The following NEK6 variants were observed in gnomAD, a reference collection of about 807,000 sequenced individuals.
NEK6 encodes serine/threonine-protein kinase Nek6.
NEK6 carries 27 observed loss-of-function variants against 43.5 expected under a neutral mutation model. The observed-to-expected ratio is 0.62, with a 90% confidence interval of 0.46 to 0.86. NEK6 has a LOEUF of 0.86. Among genes scored for constraint, NEK6 ranks in the 40% least tolerant of loss-of-function variants. The pLI is 0.00. For synonymous variants in NEK6, 167 were observed against 164.1 expected (o/e 1.02, Z -0.14); for missense variants, 318 against 414.4 (o/e 0.77, Z 2.02).
At chr9:124,320,891 G>A (rs1834031566) in intron 4 of NEK6, among the ~76,000 whole-genome samples, 1 of 152,168 alleles carries the variant, frequency 6.6e-6, no homozygotes, top group Non-Finnish European at 1.5e-5. Flanking sequence ...TAGAAGTTCA[G>A]TTTCAATCAG....
rs1234574688 is a variant in NEK6 at position 124,352,655 on chromosome 9, T to G, written c.*1708T>G. ...TCCATCGTTCTCCCCAGCCTGCCCC[T>G]GGCAGCTGTAACACAGGAGCTGGCC... On this transcript the variant is annotated 3_prime_UTR_variant, in exon 10 of 10. Coordinates refer to ENST00000320246, the MANE Select transcript of NEK6 (RefSeq NM_014397.6). The G allele has an allele frequency of 6.6e-6, 1 of 152,212 alleles. No individual in the cohort carries two copies. The highest frequency in any genetic ancestry group is 1.9e-4 in the East Asian group (1 of 5,198). The allele number at this position is 152,212 out of a possible 1,614,324, so 9.4% of individuals were successfully genotyped here. A position where few individuals can be genotyped will look rare whatever the true frequency, so the allele number is the denominator to read the frequency against.
At chr9:124,302,966 G>A (rs914468144) in intron 2 of NEK6, among the ~76,000 whole-genome samples, 7 of 152,244 alleles carry the variant, frequency 4.6e-5, no homozygotes, top group Non-Finnish European at 1.0e-4. Context: ...CACTTGGGAC[G>A]GGGCTGTGTG....
intron 7 of NEK6, among the ~76,000 whole-genome samples, chr9:124,336,919 G>A (rs1829324292): frequency 6.6e-6 from 1 of 151,238 alleles, no homozygotes; most frequent in Admixed American, 6.6e-5. Flanking sequence ...TGAGGCATGA[G>A]ATTCACTTCA....
chr9:124,345,304 G>T (rs1829861848), intron 8 of NEK6, among the ~76,000 whole-genome samples: 1 of 152,214 alleles, frequency 6.6e-6, no homozygotes, highest in Non-Finnish European at 1.5e-5. Context: ...GCGCAGCCCA[G>T]AGCTTTCTTC....
At chr9:124,300,207 G>C (rs552015941) in intron 1 of NEK6, 1 of 152,312 alleles carries the variant, frequency 6.6e-6, no homozygotes, top group African/African-American at 2.4e-5. Context: ...GGGTGTCACA[G>C]ATATCCCTGG....
At chr9:124,285,847 C>T (rs1299521526) in intron 1 of NEK6, among the ~76,000 whole-genome samples, 3 of 152,198 alleles carry the variant, frequency 2.0e-5, no homozygotes, top group East Asian at 1.9e-4. Flanking sequence ...CAGTTTTCCC[C>T]TTCTGTAAAA....
At chr9:124,280,699 G>A (rs747127308) in intron 1 of NEK6, among the ~76,000 whole-genome samples, 15 of 152,212 alleles carry the variant, frequency 9.9e-5, no homozygotes, top group Non-Finnish European at 1.9e-4. Context: ...GGCTAGGCAC[G>A]GGTTTATGAG....
At chr9:124,301,796 C>T (rs897103963) in intron 1 of NEK6, 140 bp from the exon 2 acceptor site, 11 of 699,336 alleles carry the variant, frequency 1.6e-5, no homozygotes, top group Admixed American at 6.8e-5. Context: ...CCTGCCACTT[C>T]GGAGCTGGGT....
chr9:124,299,602 G>T (rs1832854970), intron 1 of NEK6, among the ~76,000 whole-genome samples: 1 of 152,164 alleles, frequency 6.6e-6, no homozygotes, highest in Non-Finnish European at 1.5e-5. Context: ...GCATTTGAGG[G>T]CTTGGCAGGG....
chr9:124,286,765 G>A (rs1003194956), intron 1 of NEK6, among the ~76,000 whole-genome samples: 11 of 152,246 alleles, frequency 7.2e-5, no homozygotes, highest in African/African-American at 9.6e-5. Context: ...TCTGCTGGGC[G>A]CCCCAGCCAT....
At chr9:124,344,673 T>TTTTA (rs1249446108) in intron 8 of NEK6, among the ~76,000 whole-genome samples, 1 of 152,106 alleles carries the variant, frequency 6.6e-6, no homozygotes, top group Non-Finnish European at 1.5e-5. Flanking sequence ...CAGGACTGAT[T>TTTTA]TTTATCTATG....
chr9:124,332,535 C>G (rs932999827), intron 7 of NEK6, among the ~76,000 whole-genome samples: 4 of 152,216 alleles, frequency 2.6e-5, no homozygotes, highest in African/African-American at 9.6e-5. Context: ...AGGCACAGCC[C>G]CCCAGCCCAA....
rs1365246736 is a variant in NEK6, at chr9:124,327,543, T to C, written c.622+98T>C. ...TCCCCACGTGTGTTTGGTCAGTTAG[T>C]GCAGGAAGATGCCTTTTTTAAGCCC... On this transcript the variant is annotated intron_variant, in intron 7 of 9. Coordinates refer to ENST00000320246, the MANE Select transcript of NEK6 (RefSeq NM_014397.6). The C allele has an allele frequency of 4.5e-6, 4 of 890,202 alleles. No homozygotes were observed. In the African/African-American group the frequency reaches 4.9e-5, roughly 11 times the overall value. The allele number at this position is 890,202 out of a possible 1,614,324, so 55.1% of individuals were successfully genotyped here.
Position 124,327,356 on chromosome 9 carries a change from T to C in NEK6, c.533T>C (p.Val178Ala). 1 of 1,613,982 alleles carries C rather than the reference T, an allele frequency of 6.2e-7. No homozygotes were observed. Among genetic ancestry groups the C allele is most frequent in the Non-Finnish European group, 8.5e-7 (1 of 1,179,994 alleles). ...VMHRDIKPAN[V>A]FITATGVVKL... The stretch of plus-strand genomic sequence containing the variant: ...CCTGCAGACATCAAGCCTGCCAACG[T>C]GTTCATCACAGCCACGGGCGTCGTG... The change falls in exon 7 of 10, where the codon GTG (valine) becomes GCG (alanine). Residue 178 changes from valine to alanine, a missense_variant. Physicochemically the swap from Val to Ala is moderately conservative, Grantham distance 64 (BLOSUM62 0). This residue lies in a region of NEK6 where 239 missense variants were observed against 344.4 expected (regional missense o/e 0.69). Coordinates refer to ENST00000320246, the MANE Select transcript of NEK6 (RefSeq NM_014397.6).
intron 7 of NEK6, among the ~76,000 whole-genome samples, chr9:124,328,944 C>T (rs1828823947): frequency 2.0e-5 from 3 of 152,154 alleles, no homozygotes; most frequent in Admixed American, 2.0e-4. Context: ...ATGCCCTTGA[C>T]AGCCCCAAGC....
intron 1 of NEK6, chr9:124,265,763 T>C (rs573568811): frequency 2.6e-4 from 40 of 152,402 alleles, no homozygotes; most frequent in African/African-American, 9.1e-4. Flanking sequence ...CATTGTCCTA[T>C]GGGCTAAGTG....
chr9:124,291,045 T>A (rs1832393283), intron 1 of NEK6, among the ~76,000 whole-genome samples: 1 of 152,318 alleles, frequency 6.6e-6, no homozygotes, highest in South Asian at 2.1e-4. Flanking sequence ...CGAATAAAGA[T>A]GCAATAACAA....
At chr9:124,277,941 T>C (rs1375774859) in intron 1 of NEK6, among the ~76,000 whole-genome samples, 2 of 152,176 alleles carry the variant, frequency 1.3e-5, no homozygotes, top group Admixed American at 1.3e-4. Flanking sequence ...TTTATTTGGG[T>C]CTGAGAAGTC....
At chr9:124,308,696 C>T (rs1040348563) in intron 2 of NEK6, among the ~76,000 whole-genome samples, 28 of 151,838 alleles carry the variant, frequency 1.8e-4, no homozygotes, top group Admixed American at 3.9e-4. Flanking sequence ...GAAAGGCCAT[C>T]GGGGTGGTCG....
Sources: allele counts gnomAD v4.1 joint callset (sites outside exome capture counted in the v4.1 genomes callset), GRCh38; gene constraint gnomAD v4.1.1; regional missense constraint gnomAD v4.1.1; transcripts MANE v1.5; gene names NCBI Gene and HGNC (gene_info 2026-07-23, HGNC 2026-07-21).